Variants in TMEM63C observed in about 807,000 individuals in gnomAD.
TMEM63C encodes osmosensitive cation channel TMEM63C.
A neutral mutation model predicts 99.2 loss-of-function variants in TMEM63C; 32 were observed. The observed-to-expected ratio is 0.32, with a 90% CI of 0.24 to 0.43. The LOEUF is 0.43. Among genes scored for constraint, TMEM63C ranks in the 20% least tolerant of loss-of-function variants. The pLI, the probability that TMEM63C is intolerant of heterozygous loss-of-function variation, is 1.00. For synonymous variants in TMEM63C, 376 were observed against 397.9 expected, an observed-to-expected ratio of 0.94 and a Z score of 0.66; for missense variants, 826 against 1,053.0, an observed-to-expected ratio of 0.78 and a Z score of 2.98.
At chr14:77,220,729 G>A (rs1888677359) in intron 5 of TMEM63C, among the ~76,000 whole-genome samples, 1 of 152,126 alleles carries the variant, frequency 6.6e-6, no homozygotes, top group East Asian at 1.9e-4. Flanking sequence ...ATGGTCTCGG[G>A]TAGTGGTGAC....
intron 9 of TMEM63C, 101 bp downstream of exon 9, chr14:77,236,833 G>A (rs1010983665): frequency 1.6e-5 from 13 of 815,256 alleles, no homozygotes; most frequent in Non-Finnish European, 6.3e-6. Flanking sequence ...GAGGGTCCAG[G>A]GAGACTGTGA....
chr14:77,231,566 C>G (rs1012333539), intron 6 of TMEM63C, 22 bp from the exon 7 acceptor site: 2 of 1,551,462 alleles, frequency 1.3e-6, no homozygotes, highest in Non-Finnish European at 8.7e-7. Flanking sequence ...GAGGCACGTC[C>G]TTGTCTGTGT....
intron 12 of TMEM63C, 46 bp downstream of exon 12, chr14:77,239,772 C>A: frequency 6.2e-7 from 1 of 1,601,906 alleles, no homozygotes; most frequent in South Asian, 1.1e-5. Flanking sequence ...GCGGTGGGGT[C>A]CTGGGGCTCT....
chr14:77,216,139 A>AGG (rs900618570), intron 2 of TMEM63C, among the ~76,000 whole-genome samples: 7 of 151,196 alleles, frequency 4.6e-5, no homozygotes, highest in Non-Finnish European at 8.9e-5. Flanking sequence ...AGAGAGAGAG[A>AGG]GAGAGAGCAA....
At chr14:77,240,438 C>T (rs921291229) in intron 12 of TMEM63C, 37 bp from the exon 13 acceptor site, 3 of 1,587,982 alleles carry the variant, frequency 1.9e-6, no homozygotes, top group African/African-American at 2.7e-5. Context: ...CTTCCTGGGG[C>T]TCTGGCCCCA....
chr14:77,231,537 G>T, intron 6 of TMEM63C, 51 bp from the exon 7 acceptor site: 1 of 1,547,134 alleles, frequency 6.5e-7, no homozygotes, highest in Admixed American at 2.0e-5. Flanking sequence ...CGCAACAAGT[G>T]GTGGCCACGC....
At chr14:77,209,230 A>G (rs1338733003) in intron 1 of TMEM63C, among the ~76,000 whole-genome samples, 2 of 152,160 alleles carry the variant, frequency 1.3e-5, no homozygotes, top group African/African-American at 4.8e-5. Flanking sequence ...CTGATAAACA[A>G]TAGAGCCAGA....
chr14:77,236,555 G>T, intron 8 of TMEM63C, 69 bp from the exon 9 acceptor site: 2 of 1,113,842 alleles, frequency 1.8e-6, no homozygotes, highest in South Asian at 2.5e-5. Flanking sequence ...GGAGGCCCAG[G>T]GGTCTCTGTG....
intron 1 of TMEM63C, among the ~76,000 whole-genome samples, chr14:77,211,888 A>C (rs1290528766): frequency 6.6e-6 from 1 of 152,138 alleles, no homozygotes; most frequent in East Asian, 1.9e-4. Flanking sequence ...AATTCACATC[A>C]TCTCCCACTG....
At chr14:77,187,231 C>A (rs537881252) in intron 1 of TMEM63C, among the ~76,000 whole-genome samples, 1 of 152,314 alleles carries the variant, frequency 6.6e-6, no homozygotes, top group East Asian at 1.9e-4. Context: ...TCCTCCCAAG[C>A]ACAGCTGACA....
intron 1 of TMEM63C, among the ~76,000 whole-genome samples, chr14:77,184,502 G>C (rs1475370438): frequency 6.6e-6 from 1 of 152,178 alleles, no homozygotes; most frequent in Non-Finnish European, 1.5e-5. Context: ...AAGATAATGG[G>C]TGTAAAGTGC....
chr14:77,219,114 C>T (rs978607), intron 3 of TMEM63C, among the ~76,000 whole-genome samples, 151 bp downstream of exon 3: 1 of 152,176 alleles, frequency 6.6e-6, no homozygotes, highest in African/African-American at 2.4e-5. Context: ...AGGGTGGCCC[C>T]GGTAGGTGGG....
chr14:77,255,333 A>AAAT (rs1460788403), intron 23 of TMEM63C, among the ~76,000 whole-genome samples: 1 of 152,206 alleles, frequency 6.6e-6, no homozygotes, highest in Non-Finnish European at 1.5e-5. Flanking sequence ...CCATATATAT[A>AAAT]AATTTTTTAT....
At chr14:77,220,863 C>G (rs77447506) in intron 5 of TMEM63C, among the ~76,000 whole-genome samples, 2 of 129,654 alleles carry the variant, frequency 1.5e-5, no homozygotes, top group Non-Finnish European at 3.3e-5. Flanking sequence ...CTCTCACTCA[C>G]GCCCCGCCTC....
At chr14:77,229,992 G>C (rs1888907198) in intron 6 of TMEM63C, among the ~76,000 whole-genome samples, 1 of 151,926 alleles carries the variant, frequency 6.6e-6, no homozygotes, top group South Asian at 2.1e-4. Context: ...CTGAGCTCAA[G>C]AGATCAAGAT....
At chr14:77,215,043 C>T (rs191022743) in intron 2 of TMEM63C, among the ~76,000 whole-genome samples, 4 of 152,236 alleles carry the variant, frequency 2.6e-5, no homozygotes, top group Non-Finnish European at 4.4e-5. Flanking sequence ...TGGGGGGAAG[C>T]CTCTACCCCT....
At chr14:77,202,825 G>GCACACAAACACA (rs1888320660) in intron 1 of TMEM63C, among the ~76,000 whole-genome samples, 1 of 141,008 alleles carries the variant, frequency 7.1e-6, no homozygotes, top group Non-Finnish European at 1.6e-5. Flanking sequence ...ACAGGCAGGC[G>GCACACAAACACA]CACACACACA....
rs756955629 is a variant in TMEM63C at position 77,187,299 on chromosome 14, C to G, written c.-77+5405C>G. On this transcript the variant is annotated intron_variant, in intron 1 of 23. Transcript: ENST00000298351. ...GTGGTTTTGCTGAAGTTGCTTGAGACGAAAAGACTTGGAAGAGAAGGTCGT... is the reference window on the plus strand; with the variant it reads ...GTGGTTTTGCTGAAGTTGCTTGAGAGGAAAAGACTTGGAAGAGAAGGTCGT... Among the ~76,000 whole-genome samples, 17 of 152,210 alleles carry G rather than the reference C, an allele frequency of 1.1e-4. 1 individual carries two copies. The highest frequency in any genetic ancestry group is 1.9e-4 in the Non-Finnish European group (13 of 68,038).
intron 2 of TMEM63C, among the ~76,000 whole-genome samples, chr14:77,217,834 T>C (rs544379516): frequency 6.6e-6 from 1 of 152,260 alleles, no homozygotes; most frequent in African/African-American, 2.4e-5. Context: ...AAGCCAGGCA[T>C]AGAAATAACA....
Sources: gnomAD v4.1 joint callset for allele counts (sites outside exome capture counted in the v4.1 genomes callset) on GRCh38, gnomAD v4.1.1 for gene constraint, MANE v1.5 for transcripts, NCBI Gene and HGNC (gene_info 2026-07-23, HGNC 2026-07-21) for gene names.